The following LRRTM4 variants were observed in gnomAD, a reference collection of about 807,000 sequenced individuals.
The protein encoded by LRRTM4 is leucine rich repeat transmembrane neuronal 4, also known as leucine-rich repeat transmembrane neuronal protein 4.
A neutral mutation model predicts 47.6 loss-of-function variants in LRRTM4; 25 were observed. That is an observed-to-expected ratio of 0.53 (90% CI 0.38 to 0.73). The LOEUF is 0.73. Among genes scored for constraint, LRRTM4 ranks in the 30% least tolerant of loss-of-function variants. The pLI, the probability that LRRTM4 is intolerant of heterozygous loss-of-function variation, is 0.00. For synonymous variants in LRRTM4, 311 were observed against 269.5 expected, an observed-to-expected ratio of 1.15 and a Z score of -1.51; for missense variants, 638 against 713.4, an observed-to-expected ratio of 0.89 and a Z score of 1.20.
rs372775044 is a variant in LRRTM4 at position 77,093,931 on chromosome 2, G to A, written c.1552-345015C>T. ...CACCTTGCGACCCCCACTCCTGCCC[G>A]CCAGAGAACAAACCCGCTTTGACTG... On this transcript the variant is annotated intron_variant, in intron 3 of 3. Coordinates refer to ENST00000409884, the MANE Select transcript of LRRTM4 (RefSeq NM_001134745.3). Among the ~76,000 whole-genome samples the A allele has an allele frequency of 1.7e-4, 26 of 150,440 alleles. 1 individual carries two copies. Among genetic ancestry groups the A allele is most frequent in the South Asian group, 4.2e-4 (2 of 4,802 alleles).
chr2:77,476,409 A>T (rs903811175), intron 3 of LRRTM4, among the ~76,000 whole-genome samples: 1 of 152,126 alleles, frequency 6.6e-6, no homozygotes, highest in Non-Finnish European at 1.5e-5. Flanking sequence ...ATACAGGTCA[A>T]ATCATCTGAC....
intron 3 of LRRTM4, among the ~76,000 whole-genome samples, chr2:76,896,743 A>T (rs1429273615): frequency 2.0e-5 from 3 of 150,642 alleles, no homozygotes; most frequent in Non-Finnish European, 4.4e-5. Flanking sequence ...AATAAGCCAG[A>T]GTTTATTGGA....
At chr2:77,277,785 A>G (rs1676401968) in intron 3 of LRRTM4, among the ~76,000 whole-genome samples, 1 of 152,000 alleles carries the variant, frequency 6.6e-6, no homozygotes, top group Admixed American at 6.6e-5. Flanking sequence ...GTGTAATTAC[A>G]TTTACATTTG....
intron 3 of LRRTM4, among the ~76,000 whole-genome samples, chr2:76,930,997 C>T (rs1674750658): frequency 6.6e-6 from 1 of 152,048 alleles, no homozygotes; most frequent in Non-Finnish European, 1.5e-5. Context: ...GTCAGCACTG[C>T]TTGTGGCTCA....
intron 3 of LRRTM4, among the ~76,000 whole-genome samples, chr2:77,132,040 G>A (rs1671815956): frequency 6.6e-6 from 1 of 152,070 alleles, no homozygotes; most frequent in East Asian, 1.9e-4. Context: ...TGAAATACGT[G>A]TTACATTATT....
chr2:77,090,145 C>A (rs1487324596), intron 3 of LRRTM4, among the ~76,000 whole-genome samples: 3 of 152,300 alleles, frequency 2.0e-5, no homozygotes, highest in Non-Finnish European at 4.4e-5. Context: ...CCCCTCCTCA[C>A]ACCTGGTCTG....
At chr2:77,403,618 A>C (rs926561204) in intron 3 of LRRTM4, among the ~76,000 whole-genome samples, 1 of 151,880 alleles carries the variant, frequency 6.6e-6, no homozygotes, top group African/African-American at 2.4e-5. Flanking sequence ...AATGTTTTCT[A>C]ACTTCTCAGC....
chr2:77,433,375 A>T (rs1675463082), intron 3 of LRRTM4, among the ~76,000 whole-genome samples: 2 of 152,186 alleles, frequency 1.3e-5, no homozygotes, highest in Admixed American at 1.3e-4. Flanking sequence ...ATTTTGAGAA[A>T]AAAAGAAGTG....
rs942491953 is a variant in LRRTM4 at position 77,072,627 on chromosome 2, G to C, written c.1552-323711C>G. Among the ~76,000 whole-genome samples, 4 of 151,786 alleles carry C rather than the reference G, an allele frequency of 2.6e-5. No individual in the cohort carries two copies. The East Asian group carries it at 7.8e-4, about 30-fold the overall frequency. On this transcript the variant is annotated intron_variant, in intron 3 of 3. Coordinates refer to ENST00000409884, the MANE Select transcript of LRRTM4 (RefSeq NM_001134745.3). Reference sequence around the variant, plus strand: ...AGCCTGGCCAACATGACGAAATCCCGTCTGTACTAGGTATACAGAAAATTA... The same window carrying C: ...AGCCTGGCCAACATGACGAAATCCCCTCTGTACTAGGTATACAGAAAATTA...
intron 3 of LRRTM4, among the ~76,000 whole-genome samples, chr2:77,147,450 A>G (rs561891774): frequency 6.6e-6 from 1 of 152,254 alleles, no homozygotes; most frequent in East Asian, 1.9e-4. Context: ...CAAGGGGTTT[A>G]TTTTCAAGTG....
intron 3 of LRRTM4, among the ~76,000 whole-genome samples, chr2:77,362,138 AAAGAAAGAAAG>A (rs1192289114): frequency 3.9e-5 from 4 of 103,020 alleles, no homozygotes; most frequent in Admixed American, 1.7e-4. Context: ...AGAAAGAAAG[AAAGAAAGAAAG>A]AAAGAAAGAA....
intron 3 of LRRTM4, among the ~76,000 whole-genome samples, chr2:77,297,097 T>G (rs534631767): frequency 5.9e-5 from 9 of 152,250 alleles, no homozygotes; most frequent in African/African-American, 1.4e-4. Context: ...TTTGTTTTTG[T>G]TGTTATTGTT....
intron 3 of LRRTM4, among the ~76,000 whole-genome samples, chr2:76,924,386 C>T (rs949594809): frequency 6.6e-5 from 10 of 151,990 alleles, no homozygotes; most frequent in Admixed American, 6.6e-4. Context: ...TTCTCTTTTT[C>T]TTTGGCTCAT....
At chr2:77,031,498 T>C (rs1431687108) in intron 3 of LRRTM4, among the ~76,000 whole-genome samples, 1 of 152,172 alleles carries the variant, frequency 6.6e-6, no homozygotes, top group Non-Finnish European at 1.5e-5. Flanking sequence ...AAAATACACA[T>C]TGTTCTACTG....
rs149825833 is a variant in LRRTM4 at position 76,971,229 on chromosome 2, G to A, written c.1552-222313C>T. The stretch of plus-strand genomic sequence containing the variant: ...GGATCATCTGTATCTGCATCAGCCC[G>A]TCTGTAGTTTGTTAAAAATGTGCTT... On this transcript the variant is annotated intron_variant, in intron 3 of 3. Coordinates refer to ENST00000409884, the MANE Select transcript of LRRTM4 (RefSeq NM_001134745.3). 7.9e-5 allele frequency among the ~76,000 whole-genome samples: 12 copies of A among 152,100 alleles called. No homozygotes were observed. The East Asian group carries it at 1.6e-3, about 20-fold the overall frequency.
chr2:77,455,508 A>G (rs891854302), intron 3 of LRRTM4, among the ~76,000 whole-genome samples: 7 of 151,914 alleles, frequency 4.6e-5, no homozygotes, highest in African/African-American at 1.7e-4. Context: ...CCTCCAACAT[A>G]CCACACACTT....
intron 3 of LRRTM4, among the ~76,000 whole-genome samples, chr2:77,325,429 T>A (rs2104237096): frequency 6.6e-6 from 1 of 152,258 alleles, no homozygotes; most frequent in South Asian, 2.1e-4. Flanking sequence ...GATGTCAAGT[T>A]GTCACTTAGC....
intron 3 of LRRTM4, among the ~76,000 whole-genome samples, chr2:77,344,149 A>G (rs1316792767): frequency 2.0e-5 from 3 of 151,920 alleles, no homozygotes; most frequent in African/African-American, 7.2e-5. Context: ...GAATTCCATA[A>G]CATAATATTA....
intron 3 of LRRTM4, among the ~76,000 whole-genome samples, chr2:77,072,473 A>C (rs1285438554): frequency 2.0e-5 from 3 of 152,134 alleles, no homozygotes; most frequent in Admixed American, 1.3e-4. Context: ...TAATTAATTG[A>C]GATTCCAACA....
Sources: allele counts gnomAD v4.1 joint callset (sites outside exome capture counted in the v4.1 genomes callset), GRCh38; gene constraint gnomAD v4.1.1; transcripts MANE v1.5; gene names NCBI Gene and HGNC (gene_info 2026-07-23, HGNC 2026-07-21).